ZNF831: variants seen among roughly 807,000 people sequenced by gnomAD.
ZNF831 encodes chromosome 20 open reading frame 174.
ZNF831 carries 59 observed loss-of-function variants against 95.8 expected under a neutral mutation model. The observed-to-expected ratio is 0.62, with a 90% CI of 0.50 to 0.77. The LOEUF (loss-of-function observed/expected upper bound fraction) is 0.77, where lower values mean the gene tolerates loss of function less well. Among genes scored for constraint, ZNF831 ranks in the 30% least tolerant of loss-of-function variants. The pLI, the probability that ZNF831 is intolerant of heterozygous loss-of-function variation, is 0.00. For missense variants in ZNF831, 2,205 were observed against 2,164.0 expected (o/e 1.02, Z -0.38); for synonymous variants, 961 against 925.5 (o/e 1.04, Z -0.70).
At chr20:59,158,530 G>A (rs761725141) in intron 2 of ZNF831, among the ~76,000 whole-genome samples, 3 of 152,184 alleles carry the variant, frequency 2.0e-5, no homozygotes, top group Non-Finnish European at 2.9e-5. Flanking sequence ...TGATGGTGAC[G>A]TGGATTGTCT....
chr20:59,243,301 G>GAA (rs1987429738), intron 4 of ZNF831, among the ~76,000 whole-genome samples: 1 of 152,170 alleles, frequency 6.6e-6, no homozygotes, highest in African/African-American at 2.4e-5. Flanking sequence ...TGAAAAAATA[G>GAA]AAAAGCAAAG....
chr20:59,162,110 TTTG>T, upstream of ZNF831, among the ~76,000 whole-genome samples: 1 of 152,082 alleles, frequency 6.6e-6, no homozygotes, highest in Admixed American at 6.6e-5. Context: ...TTTTAATGGT[TTTG>T]TTGTTGTTTG....
intron 1 of ZNF831, among the ~76,000 whole-genome samples, chr20:59,142,968 C>G (rs879867872): frequency 6.6e-6 from 1 of 152,146 alleles, no homozygotes; most frequent in Non-Finnish European, 1.5e-5. Context: ...ACGATCATAA[C>G]TCACTGCAAC....
At chr20:59,136,646 A>G (rs1208003931) in intron 1 of ZNF831, among the ~76,000 whole-genome samples, 2 of 152,206 alleles carry the variant, frequency 1.3e-5, no homozygotes, top group African/African-American at 4.8e-5. Context: ...CTGAGCTTTC[A>G]TCCTGATATT....
At chr20:59,245,261 G>T (rs2146735626) in intron 4 of ZNF831, among the ~76,000 whole-genome samples, 1 of 152,234 alleles carries the variant, frequency 6.6e-6, no homozygotes, top group East Asian at 1.9e-4. Context: ...ATGAATGTTT[G>T]AAAGCATGTG....
intron 1 of ZNF831, among the ~76,000 whole-genome samples, chr20:59,128,019 C>G (rs986676790): frequency 2.0e-5 from 3 of 152,226 alleles, no homozygotes; most frequent in Non-Finnish European, 4.4e-5. Context: ...GGCCGTGGCC[C>G]AGTGTGAGGC....
intron 3 of ZNF831, among the ~76,000 whole-genome samples, chr20:59,197,402 G>C (rs1246706885): frequency 6.6e-6 from 1 of 152,158 alleles, no homozygotes; most frequent in East Asian, 1.9e-4. Flanking sequence ...AGAGAGCTTA[G>C]ATAACCTACC....
chr20:59,229,152 G>T (rs1259753764), intron 4 of ZNF831, among the ~76,000 whole-genome samples: 1 of 152,146 alleles, frequency 6.6e-6, no homozygotes, highest in East Asian at 1.9e-4. Context: ...CCTTTTTAAT[G>T]GCTGAATAAT....
intron 4 of ZNF831, among the ~76,000 whole-genome samples, chr20:59,211,779 TTGTGTGTGTGTG>T (rs11472424): frequency 9.5e-5 from 14 of 146,786 alleles, no homozygotes; most frequent in African/African-American, 2.8e-4. Context: ...GGAGCTGACC[TTGTGTGTGTGTG>T]TGTGTGTGTG....
rs1451512187 is a variant in ZNF831, at chr20:59,192,825, G to T, written c.1806G>T (p.Ala602=). Residue 602 remains alanine, a synonymous_variant, in exon 2 of 6, where the codon GCG becomes GCT. Coordinates refer to ENST00000371030, the MANE Select transcript of ZNF831 (RefSeq NM_178457.3). This position sits in a 1 kb window ranked among gnomAD's most constrained non-coding sequence, Gnocchi z 5.2. ...AGGCCATGGCCGGCAAGGGCAGAGC[G>T]GGCGGCAGGAAGTGCGGCCAGAGAA... is the stretch of plus-strand genomic sequence containing the variant. The part of the protein sequence containing the change: ...AREAMAGKGR[A]GGRKCGQRRL... 8 of 1,609,440 alleles carry T rather than the reference G, an allele frequency of 5.0e-6. No individual in the cohort carries two copies. Among genetic ancestry groups the T allele is most frequent in the Non-Finnish European group, 6.8e-6 (8 of 1,178,066 alleles).
chr20:59,223,119 G>T (rs1986208707), intron 4 of ZNF831, among the ~76,000 whole-genome samples: 2 of 152,164 alleles, frequency 1.3e-5, no homozygotes, highest in South Asian at 2.1e-4. Flanking sequence ...GAGGAGGCAG[G>T]AAGGGGGCCT....
Position 59,192,586 on chromosome 20 carries a change from C to T in ZNF831, c.1567C>T (p.Arg523Trp), listed in dbSNP as rs1983679531. The T allele has an allele frequency of 4.0e-6, 6 of 1,512,838 alleles. No individual in the cohort carries two copies. Among genetic ancestry groups the T allele is most frequent in the African/African-American group, 1.4e-5 (1 of 71,480 alleles). The allele number at this position is 1,512,838 out of a possible 1,614,324, so 93.7% of individuals were successfully genotyped here. ...SRTWLEPREPRDPWSRTQKPL... is the reference protein window; with the variant it reads ...SRTWLEPREPWDPWSRTQKPL... ...GACGTGGCTGGAGCCCAGGGAGCCC[C>T]GGGACCCCTGGTCCAGGACGCAGAA... is the stretch of plus-strand genomic sequence containing the variant. The change falls in exon 2 of 6, where the codon CGG (arginine) becomes TGG (tryptophan). Residue 523 changes from arginine (R) to tryptophan (W), a missense_variant. Transcript: ENST00000371030. The surrounding 1 kb of genome is among the most constrained non-coding windows in gnomAD (Gnocchi z 5.2).
At chr20:59,144,536 A>G (rs1979779840) in intron 1 of ZNF831, among the ~76,000 whole-genome samples, 1 of 152,216 alleles carries the variant, frequency 6.6e-6, no homozygotes, top group South Asian at 2.1e-4. Context: ...AGGGGAAAAA[A>G]AAATCACTGT....
chr20:59,238,990 G>T (rs940950827), intron 4 of ZNF831, among the ~76,000 whole-genome samples: 2 of 152,156 alleles, frequency 1.3e-5, no homozygotes, highest in East Asian at 1.9e-4. Context: ...GAGGTAAAAT[G>T]GATGAATACA....
intron 1 of ZNF831, among the ~76,000 whole-genome samples, chr20:59,140,263 AG>A (rs1333335810): frequency 4.6e-5 from 7 of 152,284 alleles, no homozygotes; most frequent in Non-Finnish European, 8.8e-5. Context: ...CCATTTAGAA[AG>A]CTGGCTCATT....
intron 1 of ZNF831, among the ~76,000 whole-genome samples, chr20:59,135,930 C>G (rs1457997702): frequency 6.6e-6 from 1 of 152,122 alleles, no homozygotes; most frequent in African/African-American, 2.4e-5. Flanking sequence ...TCCATGATGG[C>G]ACCACTGCAC....
At chr20:59,233,210 A>C (rs956827306) in intron 4 of ZNF831, among the ~76,000 whole-genome samples, 1 of 152,124 alleles carries the variant, frequency 6.6e-6, no homozygotes, top group African/African-American at 2.4e-5. Flanking sequence ...GAGAGTCATC[A>C]TTGTTTTTAC....
chr20:59,136,203 C>T lies in ZNF831; in HGVS notation c.-1424-10028C>T, dbSNP rs544853612. Among the ~76,000 whole-genome samples the T allele has an allele frequency of 8.5e-5, 13 of 152,266 alleles. 1 individual carries two copies. In the South Asian group the frequency reaches 1.9e-3, roughly 22 times the overall value. ...AGGCTGTCAAGTCCTTCTCATGCTT[C>T]GAGTCTCTCTTCCTTCCCCTCCTGC... On this transcript the variant is annotated intron_variant, in intron 1 of 7. Coordinates refer to the ZNF831 transcript ENST00000637017.
intron 2 of ZNF831, among the ~76,000 whole-genome samples, chr20:59,151,173 A>G (rs779390786): frequency 2.6e-5 from 4 of 152,126 alleles, no homozygotes; most frequent in African/African-American, 2.4e-5. Context: ...GGGGGCTAGC[A>G]TGGAGGTGGA....
Sources: allele counts gnomAD v4.1 joint callset (sites outside exome capture counted in the v4.1 genomes callset), GRCh38; gene constraint gnomAD v4.1.1; non-coding constraint Gnocchi (gnomAD v3.1); transcripts MANE v1.5; gene names NCBI Gene and HGNC (gene_info 2026-07-23, HGNC 2026-07-21).